EFCAB5: variants seen among roughly 807,000 people sequenced by gnomAD.
The protein encoded by EFCAB5 is EF-hand calcium binding domain 5, also known as EF-hand calcium-binding domain-containing protein 5.
EFCAB5 carries 131 observed loss-of-function variants against 167.9 expected under a neutral mutation model. That is an observed-to-expected ratio of 0.78 (90% CI 0.68 to 0.90). EFCAB5 has a LOEUF of 0.90. EFCAB5 is among the 40% of genes least tolerant of loss of function. The pLI is 0.00. For missense variants in EFCAB5, 1,663 were observed against 1,745.2 expected (o/e 0.95, Z 0.84); for synonymous variants, 574 against 602.8 (o/e 0.95, Z 0.70).
intron 4 of EFCAB5, among the ~76,000 whole-genome samples, chr17:29,972,328 CG>C (rs1213478566): frequency 6.6e-6 from 1 of 151,538 alleles, no homozygotes; most frequent in Non-Finnish European, 1.5e-5. Context: ...GTATTACAGG[CG>C]TGAGTCACCG....
rs542860956 is a variant in EFCAB5 at position 30,069,634 on chromosome 17, G to T, written c.2738-8581G>T. 1,901 of 1,609,450 alleles carry T rather than the reference G, an allele frequency of 1.2e-3. 4 individuals are homozygous for T. The highest frequency in any genetic ancestry group is 1.5e-3 in the Non-Finnish European group (1,724 of 1,176,730). On this transcript the variant is annotated intron_variant, in intron 14 of 22. Transcript: ENST00000394835. ...TCTTCCTCGACTGGTACCACAGCTA[G>T]CCTGGGCCACGGGGGCCCAGCACGA...
At position 30,080,833 on chromosome 17, in the gene EFCAB5, C is replaced by T; in HGVS notation, c.3278C>T (p.Ser1093Phe). The change falls in exon 17 of 23, where the codon TCC becomes TTC. Residue 1093 changes from serine to phenylalanine, a missense_variant. Coordinates refer to ENST00000394835, the MANE Select transcript of EFCAB5 (RefSeq NM_198529.4). ...GGGAACATCTTCTTCTGGAACCAGT[C>T]CCGTAATAAGCATGATTATAATGGT... ...YHGNIFFWNQSRNKHDYNGSF... is the reference protein window; with the variant it reads ...YHGNIFFWNQFRNKHDYNGSF... 1 of 1,613,736 alleles carries T rather than the reference C, an allele frequency of 6.2e-7. No individual in the cohort carries two copies.
chr17:29,967,877 C>T (rs1351510979), intron 3 of EFCAB5, among the ~76,000 whole-genome samples: 3 of 149,356 alleles, frequency 2.0e-5, no homozygotes, highest in Non-Finnish European at 4.4e-5. Context: ...ACTCACCACA[C>T]ATTTCCTCAC....
At chr17:30,078,644 T>C in intron 15 of EFCAB5, 140 bp downstream of exon 15, 1 of 1,086,472 alleles carries the variant, frequency 9.2e-7, no homozygotes, top group Non-Finnish European at 1.3e-6. Flanking sequence ...TTCCAGTCCA[T>C]TACAAATGGC....
At chr17:29,964,598 T>C (rs2067789645) in intron 3 of EFCAB5, among the ~76,000 whole-genome samples, 1 of 152,056 alleles carries the variant, frequency 6.6e-6, no homozygotes, top group Non-Finnish European at 1.5e-5. Context: ...CAGCTTATAA[T>C]TGTTTTTTGT....
intron 14 of EFCAB5, among the ~76,000 whole-genome samples, chr17:30,060,718 T>A (rs2070402518): frequency 6.6e-6 from 1 of 152,248 alleles, no homozygotes; most frequent in Admixed American, 6.5e-5. Context: ...ACCTGGCATG[T>A]CTTAGGATAC....
At chr17:30,034,209 C>T in intron 7 of EFCAB5, 21 bp from the exon 8 acceptor site, 1 of 1,610,762 alleles carries the variant, frequency 6.2e-7, no homozygotes. Context: ...AATCGTTTAT[C>T]CTCTTTTTTT....
At position 30,059,686 on chromosome 17, in the gene EFCAB5, G is replaced by T. The variant is rs1194630533; in HGVS notation, c.2722G>T (p.Glu908Ter). The T allele has an allele frequency of 1.9e-6, 3 of 1,589,594 alleles. No homozygotes were observed. Among genetic ancestry groups the T allele is most frequent in the South Asian group, 1.1e-5 (1 of 87,106 alleles). The change falls in exon 14 of 23, where the codon GAA becomes TAA. Residue 908 changes from glutamate to a stop codon, truncating the protein, a stop_gained. Coordinates refer to ENST00000394835, the MANE Select transcript of EFCAB5 (RefSeq NM_198529.4). LOFTEE classifies it high-confidence loss of function. The part of the protein sequence containing the change: ...LYTYKEGMEK[E>*]SMKKAKLHIQ... The stretch of plus-strand genomic sequence containing the variant: ...CACATACAAGGAGGGAATGGAAAAA[G>T]AATCTATGAAGAAAGGTAAAATATA...
chr17:30,027,364 T>G (rs929497952), intron 7 of EFCAB5, among the ~76,000 whole-genome samples: 1 of 150,402 alleles, frequency 6.6e-6, no homozygotes, highest in African/African-American at 2.5e-5. Flanking sequence ...AGTAGCATAT[T>G]TGGGGGTGGC....
At chr17:30,029,349 G>A (rs1429769430) in intron 7 of EFCAB5, among the ~76,000 whole-genome samples, 5 of 152,080 alleles carry the variant, frequency 3.3e-5, no homozygotes, top group South Asian at 2.1e-4. Flanking sequence ...GCCTACAGTC[G>A]CAAAATCATC....
At chr17:29,946,194 A>G (rs1413204961) in intron 3 of EFCAB5, among the ~76,000 whole-genome samples, 1 of 152,204 alleles carries the variant, frequency 6.6e-6, no homozygotes. Context: ...ATTTCTCAAA[A>G]GAATATATAC....
chr17:30,061,269 G>A (rs1020116163), intron 14 of EFCAB5, among the ~76,000 whole-genome samples: 3 of 152,188 alleles, frequency 2.0e-5, no homozygotes, highest in Non-Finnish European at 4.4e-5. Context: ...CATTTGGTCT[G>A]AGGAGATGAT....
At chr17:30,102,627 T>C (rs1239024777) in intron 22 of EFCAB5, among the ~76,000 whole-genome samples, 1 of 152,194 alleles carries the variant, frequency 6.6e-6, no homozygotes, top group Non-Finnish European at 1.5e-5. Context: ...TGAATGCATG[T>C]TAATCATCTA....
chr17:30,083,241 C>T lies in EFCAB5; in HGVS notation c.3579+198C>T, dbSNP rs140719391. On this transcript the variant is annotated intron_variant, in intron 18 of 22. Coordinates refer to ENST00000394835, the MANE Select transcript of EFCAB5 (RefSeq NM_198529.4). Reference sequence around the variant, plus strand: ...GCAAAAGGGAGAATTAACTGACTCACGTGACCAAAATGAAGACAGGGCAGG... The same window carrying T: ...GCAAAAGGGAGAATTAACTGACTCATGTGACCAAAATGAAGACAGGGCAGG... Among the ~76,000 whole-genome samples the T allele has an allele frequency of 3.1e-4, 47 of 152,334 alleles. 1 individual carries two copies. Among genetic ancestry groups the T allele is most frequent in the African/African-American group, 1.1e-3 (47 of 41,568 alleles).
chr17:30,078,437 G>A lies in EFCAB5; in HGVS notation c.2960G>A (p.Cys987Tyr). 1 of 1,613,950 alleles carries A rather than the reference G, an allele frequency of 6.2e-7. No individual in the cohort carries two copies. Among genetic ancestry groups the A allele is most frequent in the Non-Finnish European group, 8.5e-7 (1 of 1,179,862 alleles). The part of the protein sequence containing the change: ...ARRKWLHQIQ[C>Y]AAETSGVSLE... ...CGGAAATGGCTGCACCAAATCCAAT[G>A]TGCTGCAGAGACAAGTGGGGTGTCC... The change falls in exon 15 of 23, where the codon TGT becomes TAT. Residue 987 changes from cysteine to tyrosine, a missense_variant. Transcript: ENST00000394835.
intron 22 of EFCAB5, among the ~76,000 whole-genome samples, chr17:30,102,136 G>C (rs994780718): frequency 6.7e-6 from 1 of 149,636 alleles, no homozygotes; most frequent in African/African-American, 2.6e-5. Flanking sequence ...AGAAGTCTAC[G>C]GAAGGAGAAT....
chr17:29,979,220 C>T (rs1329453120), intron 4 of EFCAB5, among the ~76,000 whole-genome samples: 1 of 152,028 alleles, frequency 6.6e-6, no homozygotes, highest in Non-Finnish European at 1.5e-5. Flanking sequence ...TGTGGTGGCA[C>T]ACACCTGTAG....
intron 4 of EFCAB5, among the ~76,000 whole-genome samples, chr17:29,974,724 G>T (rs2068030190): frequency 1.3e-5 from 2 of 152,214 alleles, no homozygotes; most frequent in South Asian, 4.2e-4. Flanking sequence ...GTTTTGCCAG[G>T]TAAATTGAGT....
chr17:30,000,038 G>A, intron 7 of EFCAB5, 62 bp downstream of exon 7: 4 of 1,264,498 alleles, frequency 3.2e-6, no homozygotes, highest in Non-Finnish European at 3.3e-6. Context: ...TTGTCTGTTG[G>A]TGGCTGTCAC....
Sources: gnomAD v4.1 joint callset for allele counts (sites outside exome capture counted in the v4.1 genomes callset) on GRCh38, gnomAD v4.1.1 for gene constraint, MANE v1.5 for transcripts, NCBI Gene and HGNC (gene_info 2026-07-23, HGNC 2026-07-21) for gene names.